The following DENND1B variants were observed in gnomAD, a reference collection of about 807,000 sequenced individuals.
DENND1B encodes the protein DENN domain-containing protein 1B.
A neutral mutation model predicts 90.1 loss-of-function variants in DENND1B; 59 were observed. The ratio of observed to expected loss-of-function variants is 0.65; its 90% CI spans 0.53 to 0.81. The LOEUF (loss-of-function observed/expected upper bound fraction) is 0.81. DENND1B is among the 40% of genes least tolerant of loss of function. The probability of loss-of-function intolerance (pLI) is 0.00; values close to 1 mark genes in which losing one functional copy is unlikely to be tolerated. For missense variants in DENND1B, 862 were observed against 912.6 expected, an observed-to-expected ratio of 0.94 and a Z score of 0.71; for synonymous variants, 337 against 324.6, an observed-to-expected ratio of 1.04 and a Z score of -0.41.
rs574941238 is a variant in DENND1B at position 197,732,079 on chromosome 1, T to C, written c.83-17005A>G. 1.1e-3 allele frequency among the ~76,000 whole-genome samples: 172 copies of C among 152,314 alleles called. 1 individual carries two copies. The highest frequency in any genetic ancestry group is 2.1e-3 in the Non-Finnish European group (145 of 68,024). On this transcript the variant is annotated intron_variant, in intron 2 of 22. Coordinates refer to ENST00000620048, the MANE Select transcript of DENND1B (RefSeq NM_001195215.2). Reference sequence around the variant, plus strand: ...AACAGAGGTAATGCATTAAGCAAAATGGTAGGTTATTACTGGCTCTTTCTT... The same window carrying C: ...AACAGAGGTAATGCATTAAGCAAAACGGTAGGTTATTACTGGCTCTTTCTT...
At chr1:197,684,208 A>T (rs1449971963) in intron 3 of DENND1B, among the ~76,000 whole-genome samples, 1 of 152,202 alleles carries the variant, frequency 6.6e-6, no homozygotes, top group Non-Finnish European at 1.5e-5. Context: ...AGCATACATT[A>T]TCCCATTTAA....
intron 2 of DENND1B, among the ~76,000 whole-genome samples, chr1:197,759,981 T>A (rs2102453922): frequency 6.6e-6 from 1 of 152,268 alleles, no homozygotes; most frequent in South Asian, 2.1e-4. Context: ...TTAATCATAC[T>A]TAAAATTGTT....
intron 15 of DENND1B, among the ~76,000 whole-genome samples, chr1:197,580,299 C>T (rs1248701829): frequency 2.7e-5 from 4 of 146,546 alleles, no homozygotes; most frequent in Non-Finnish European, 4.5e-5. Flanking sequence ...AGGGTTTCAC[C>T]GTATTAGCCA....
chr1:197,545,640 C>A, intron 18 of DENND1B: 2 of 287,376 alleles, frequency 7.0e-6, no homozygotes, highest in Middle Eastern at 1.0e-3. Flanking sequence ...TGACATTTTA[C>A]AAAATGGTAC....
At chr1:197,706,980 A>G (rs1659599900) in intron 3 of DENND1B, among the ~76,000 whole-genome samples, 1 of 152,180 alleles carries the variant, frequency 6.6e-6, no homozygotes. Flanking sequence ...TGTTTATTGC[A>G]ACACAAGAGC....
At chr1:197,666,437 T>G (rs1227476465) in intron 5 of DENND1B, among the ~76,000 whole-genome samples, 1 of 152,244 alleles carries the variant, frequency 6.6e-6, no homozygotes, top group Non-Finnish European at 1.5e-5. Flanking sequence ...ATATAAGTGA[T>G]TTTTATTTTA....
intron 15 of DENND1B, among the ~76,000 whole-genome samples, chr1:197,581,770 G>C (rs1674263427): frequency 1.3e-5 from 2 of 152,108 alleles, no homozygotes; most frequent in Non-Finnish European, 2.9e-5. Flanking sequence ...AAATAAGTTA[G>C]ATATTCTACC....
intron 10 of DENND1B, among the ~76,000 whole-genome samples, chr1:197,627,319 G>T (rs1279398823): frequency 1.3e-5 from 2 of 152,064 alleles, no homozygotes; most frequent in Non-Finnish European, 2.9e-5. Context: ...ATATCAAAAA[G>T]CTTATCCACC....
intron 2 of DENND1B, chr1:197,747,132 T>G: frequency 2.6e-6 from 2 of 768,796 alleles, no homozygotes; most frequent in Non-Finnish European, 4.6e-6. Context: ...TCAATTTATC[T>G]TTTCTGGAGC....
intron 10 of DENND1B, among the ~76,000 whole-genome samples, chr1:197,634,255 T>C (rs903568951): frequency 6.6e-6 from 1 of 152,166 alleles, no homozygotes; most frequent in African/African-American, 2.4e-5. Context: ...CCAATCCCAA[T>C]GTTATAGTTT....
intron 5 of DENND1B, among the ~76,000 whole-genome samples, chr1:197,663,108 T>C (rs1341197312): frequency 6.6e-6 from 1 of 152,084 alleles, no homozygotes; most frequent in Non-Finnish European, 1.5e-5. Context: ...ATTCTAAGTA[T>C]GAAATTTTAA....
At chr1:197,612,220 G>A (rs529959648) in intron 11 of DENND1B, among the ~76,000 whole-genome samples, 77 of 150,372 alleles carry the variant, frequency 5.1e-4, no homozygotes, top group Non-Finnish European at 1.0e-3. Flanking sequence ...TTAATCAAGA[G>A]TTATAATGCC....
At chr1:197,735,844 A>C in intron 2 of DENND1B, 1 of 1,604,816 alleles carries the variant, frequency 6.2e-7, no homozygotes, top group Non-Finnish European at 8.5e-7. Context: ...ATTCAAAAGA[A>C]AAGAACTTGC....
At chr1:197,595,474 G>C in intron 13 of DENND1B, 141 bp from the exon 14 acceptor site, 1 of 1,043,524 alleles carries the variant, frequency 9.6e-7, no homozygotes, top group East Asian at 2.6e-5. Context: ...CTTTTTAACT[G>C]CAGAGAGCAC....
At chr1:197,661,500 A>G (rs577697946) in intron 5 of DENND1B, among the ~76,000 whole-genome samples, 1 of 152,254 alleles carries the variant, frequency 6.6e-6, no homozygotes, top group South Asian at 2.1e-4. Flanking sequence ...GACCTAATCT[A>G]TTCAAAGAAC....
At chr1:197,650,155 A>T (rs1197953906) in intron 7 of DENND1B, among the ~76,000 whole-genome samples, 2 of 152,236 alleles carry the variant, frequency 1.3e-5, no homozygotes, top group African/African-American at 4.8e-5. Flanking sequence ...ACAATGTGAT[A>T]CTACCTTACT....
rs192391669 is a variant in DENND1B at position 197,525,442 on chromosome 1, T to C, written c.1516-12489A>G. Among the ~76,000 whole-genome samples the C allele has an allele frequency of 4.7e-4, 71 of 152,212 alleles. 1 individual carries two copies. Among genetic ancestry groups the C allele is most frequent in the Admixed American group, 4.0e-3 (61 of 15,296 alleles). On this transcript the variant is annotated intron_variant, in intron 20 of 22. Transcript: ENST00000620048. The stretch of plus-strand genomic sequence containing the variant: ...TAAGCTATTTGCAATTTCACTTTTG[T>C]TGACAGGGTTTCAATATTTCAACAT...
intron 20 of DENND1B, among the ~76,000 whole-genome samples, chr1:197,513,921 C>G (rs941262526): frequency 3.3e-5 from 5 of 151,588 alleles, no homozygotes; most frequent in Admixed American, 6.6e-5. Context: ...CCCTCAGTTT[C>G]TTTTTCATCT....
intron 10 of DENND1B, among the ~76,000 whole-genome samples, chr1:197,640,364 T>C (rs1448534967): frequency 6.6e-6 from 1 of 151,724 alleles, no homozygotes; most frequent in Non-Finnish European, 1.5e-5. Context: ...TCCTAGCTAC[T>C]TGGGAGGCTG....
Sources: gnomAD v4.1 joint callset for allele counts (sites outside exome capture counted in the v4.1 genomes callset) on GRCh38, gnomAD v4.1.1 for gene constraint, MANE v1.5 for transcripts, NCBI Gene and HGNC (gene_info 2026-07-23, HGNC 2026-07-21) for gene names.